The following NCKAP5 variants were observed in gnomAD, a reference collection of about 807,000 sequenced individuals.
NCKAP5 encodes nck-associated protein 5.
A neutral mutation model predicts 167.0 loss-of-function variants in NCKAP5; 92 were observed. The ratio of observed to expected loss-of-function variants is 0.55; its 90% CI spans 0.47 to 0.66. The LOEUF (loss-of-function observed/expected upper bound fraction) is 0.66. NCKAP5 is among the 30% of genes least tolerant of loss of function. The pLI is 0.00. For synonymous variants in NCKAP5, 891 were observed against 877.4 expected (o/e 1.02, Z -0.27); for missense variants, 2,378 against 2,315.0 (o/e 1.03, Z -0.56).
chr2:132,996,525 A>T (rs879673888), intron 6 of NCKAP5, among the ~76,000 whole-genome samples: 1 of 152,130 alleles, frequency 6.6e-6, no homozygotes. Context: ...ACTTCCTAAG[A>T]TAACTCCTCA....
chr2:133,277,025 T>C lies in NCKAP5; in HGVS notation c.143+26012A>G, dbSNP rs575247959. Among the ~76,000 whole-genome samples, 5 of 152,252 alleles carry C rather than the reference T, an allele frequency of 3.3e-5. No individual in the cohort carries two copies. The East Asian group carries it at 9.6e-4, about 29-fold the overall frequency. The stretch of plus-strand genomic sequence containing the variant: ...GATGAAAATAGGAATTGATGTATAT[T>C]TTCTTAACATCATAAAACATATCAT... On this transcript the variant is annotated intron_variant, in intron 4 of 19. Coordinates refer to ENST00000409261, the MANE Select transcript of NCKAP5 (RefSeq NM_207363.3).
At chr2:133,085,904 T>C (rs2080973506) in intron 6 of NCKAP5, among the ~76,000 whole-genome samples, 1 of 152,106 alleles carries the variant, frequency 6.6e-6, no homozygotes, top group African/African-American at 2.4e-5. Flanking sequence ...CAAGAGTCCA[T>C]TACATTGGTA....
At chr2:132,934,689 T>G (rs1480100486) in intron 8 of NCKAP5, among the ~76,000 whole-genome samples, 1 of 152,230 alleles carries the variant, frequency 6.6e-6, no homozygotes, top group Non-Finnish European at 1.5e-5. Context: ...TATTAAAACA[T>G]GTACATTTGT....
chr2:132,772,187 C>T (rs1288900707), intron 16 of NCKAP5, among the ~76,000 whole-genome samples: 4 of 152,038 alleles, frequency 2.6e-5, no homozygotes, highest in African/African-American at 9.7e-5. Flanking sequence ...TGTGTAAGTA[C>T]ACTCTTTGAT....
At chr2:133,400,012 C>G (rs540178073) in intron 3 of NCKAP5, among the ~76,000 whole-genome samples, 30 of 152,182 alleles carry the variant, frequency 2.0e-4, no homozygotes, top group Non-Finnish European at 3.4e-4. Flanking sequence ...AAATAAAACT[C>G]ATTTTATTTT....
chr2:132,703,180 C>T (rs1688041904), intron 19 of NCKAP5, among the ~76,000 whole-genome samples: 1 of 151,926 alleles, frequency 6.6e-6, no homozygotes, highest in Non-Finnish European at 1.5e-5. Flanking sequence ...GACCCTGTCT[C>T]TAAAAGATTA....
At chr2:133,201,623 A>T (rs1401075879) in intron 5 of NCKAP5, among the ~76,000 whole-genome samples, 1 of 152,226 alleles carries the variant, frequency 6.6e-6, no homozygotes, top group Admixed American at 6.6e-5. Context: ...TACCTGGATC[A>T]GGGTGTTGTT....
chr2:133,175,208 T>C lies in NCKAP5; in HGVS notation c.207+38508A>G, dbSNP rs76729763. ...TCCTTCCCATAATTGGGTTTTTCTA[T>C]TGGATCCTTGAACCTAAGATTTTAA... On this transcript the variant is annotated intron_variant, in intron 5 of 19. Coordinates refer to ENST00000409261, the MANE Select transcript of NCKAP5 (RefSeq NM_207363.3). Among the ~76,000 whole-genome samples the C allele has an allele frequency of 1.9e-3, 296 of 152,356 alleles. 1 individual carries two copies. The highest frequency in any genetic ancestry group is 6.9e-3 in the African/African-American group (286 of 41,578).
chr2:132,776,851 T>C (rs193210974), intron 15 of NCKAP5, among the ~76,000 whole-genome samples: 4 of 152,210 alleles, frequency 2.6e-5, no homozygotes, highest in Admixed American at 1.3e-4. Context: ...TGTGGGAGTT[T>C]TCCCGGGAGT....
At chr2:133,028,466 T>C (rs1403041039) in intron 6 of NCKAP5, among the ~76,000 whole-genome samples, 1 of 152,170 alleles carries the variant, frequency 6.6e-6, no homozygotes, top group African/African-American at 2.4e-5. Context: ...GTTATTGCCA[T>C]AGGTACCTCT....
chr2:132,806,540 A>G (rs891807139), intron 11 of NCKAP5, among the ~76,000 whole-genome samples: 1 of 151,694 alleles, frequency 6.6e-6, no homozygotes, highest in Non-Finnish European at 1.5e-5. Context: ...GCATTTTTTC[A>G]TATGTTTGGT....
chr2:132,700,867 T>G (rs1006463130), intron 19 of NCKAP5, among the ~76,000 whole-genome samples: 9 of 150,292 alleles, frequency 6.0e-5, no homozygotes, highest in African/African-American at 2.2e-4. Flanking sequence ...ACTTTCAAAT[T>G]CTGCCTTTCA....
intron 16 of NCKAP5, among the ~76,000 whole-genome samples, chr2:132,734,637 G>A (rs1375223507): frequency 2.6e-5 from 4 of 152,154 alleles, no homozygotes; most frequent in Non-Finnish European, 5.9e-5. Flanking sequence ...ACAGCTATTA[G>A]GAGTTCTGCT....
At chr2:133,540,475 A>C (rs1686130673) in intron 2 of NCKAP5, among the ~76,000 whole-genome samples, 1 of 152,216 alleles carries the variant, frequency 6.6e-6, no homozygotes, top group South Asian at 2.1e-4. Flanking sequence ...AAAACTTTTT[A>C]GACTTACTAA....
intron 6 of NCKAP5, among the ~76,000 whole-genome samples, chr2:133,057,369 G>T (rs1049408857): frequency 6.6e-6 from 1 of 152,170 alleles, no homozygotes; most frequent in African/African-American, 2.4e-5. Context: ...GCCAAGACAG[G>T]CCGAAAGCTA....
the NCKAP5 span, among the ~76,000 whole-genome samples, chr2:133,631,578 AC>A: frequency 6.6e-6 from 1 of 152,072 alleles, no homozygotes; most frequent in East Asian, 1.9e-4. Flanking sequence ...AAAAGGTGTA[AC>A]TCCTGGATAG....
At position 133,387,280 on chromosome 2, in the gene NCKAP5, G is replaced by T. The variant is rs900330489; in HGVS notation, c.70-84170C>A. On this transcript the variant is annotated intron_variant, in intron 3 of 19. Transcript: ENST00000409261. ...TCTCAGCAGTTGCTTGTCTGTAAAG[G>T]ATTTTATTTCTCCTTCACTTATGAA... Among the ~76,000 whole-genome samples, 113 of 152,210 alleles carry T rather than the reference G, an allele frequency of 7.4e-4. 2 individuals carry two copies. Among genetic ancestry groups the T allele is most frequent in the African/African-American group, 2.5e-3 (105 of 41,522 alleles).
intron 5 of NCKAP5, among the ~76,000 whole-genome samples, chr2:133,147,452 A>G (rs2083240218): frequency 6.6e-6 from 1 of 152,188 alleles, no homozygotes; most frequent in Non-Finnish European, 1.5e-5. Flanking sequence ...GGGCATTCAT[A>G]TCGCTAATAA....
At chr2:133,214,237 C>A (rs961899273) in intron 4 of NCKAP5, among the ~76,000 whole-genome samples, 24 of 152,282 alleles carry the variant, frequency 1.6e-4, no homozygotes, top group African/African-American at 5.8e-4. Context: ...ATGCTTGCTA[C>A]ATAACAGGCA....
Sources: gnomAD v4.1 joint callset for allele counts (sites outside exome capture counted in the v4.1 genomes callset) on GRCh38, gnomAD v4.1.1 for gene constraint, MANE v1.5 for transcripts, NCBI Gene and HGNC (gene_info 2026-07-23, HGNC 2026-07-21) for gene names.